IL15: variants seen among roughly 807,000 people sequenced by gnomAD.
IL15 encodes interleukin-15.
A neutral mutation model predicts 19.6 loss-of-function variants in IL15; 11 were observed. The observed-to-expected ratio is 0.56, with a 90% confidence interval of 0.35 to 0.93. The LOEUF (loss-of-function observed/expected upper bound fraction) is 0.93, where lower values mean the gene tolerates loss of function less well. IL15 is among the 40% of genes least tolerant of loss of function. The pLI, the probability that IL15 is intolerant of heterozygous loss-of-function variation, is 0.01. For synonymous variants in IL15, 58 were observed against 59.6 expected, an observed-to-expected ratio of 0.97 and a Z score of 0.12; for missense variants, 197 against 186.5, an observed-to-expected ratio of 1.06 and a Z score of -0.33.
chr4:141,678,202 C>T (rs1217345660), intron 2 of IL15, among the ~76,000 whole-genome samples: 1 of 152,046 alleles, frequency 6.6e-6, no homozygotes, highest in African/African-American at 2.4e-5. Context: ...TTTTGTTATG[C>T]CCCATATATT....
At chr4:141,726,895 C>G (rs1730285274) in intron 5 of IL15, among the ~76,000 whole-genome samples, 1 of 151,972 alleles carries the variant, frequency 6.6e-6, no homozygotes, top group Non-Finnish European at 1.5e-5. Context: ...AGCTATCAAG[C>G]CATGAAAAGA....
chr4:141,727,290 G>A lies in IL15; in HGVS notation c.196-650G>A, dbSNP rs142528932. 3.8e-3 allele frequency among the ~76,000 whole-genome samples: 576 copies of A among 152,064 alleles called. 4 individuals are homozygous for A. The highest frequency in any genetic ancestry group is 6.0e-3 in the Non-Finnish European group (407 of 67,994). The stretch of plus-strand genomic sequence containing the variant: ...GGAAACTGGGGTGGAGAACAAAGGG[G>A]TGTATAAGTCTCTGTACTTTCTGCT... On this transcript the variant is annotated intron_variant, in intron 5 of 7. Transcript: ENST00000320650.
At chr4:141,675,832 A>G (rs1415142913) in intron 2 of IL15, among the ~76,000 whole-genome samples, 1 of 152,202 alleles carries the variant, frequency 6.6e-6, no homozygotes, top group Non-Finnish European at 1.5e-5. Flanking sequence ...TGTGAAATAC[A>G]TTTGTATCTC....
intron 2 of IL15, among the ~76,000 whole-genome samples, chr4:141,709,253 G>GAACA (rs1729633841): frequency 6.6e-6 from 1 of 151,816 alleles, no homozygotes; most frequent in South Asian, 2.1e-4. Context: ...AACACTTTAG[G>GAACA]TCTAGGTCAT....
intron 2 of IL15, among the ~76,000 whole-genome samples, chr4:141,703,496 A>G (rs1729399013): frequency 6.6e-6 from 1 of 152,294 alleles, no homozygotes; most frequent in South Asian, 2.1e-4. Context: ...GAGGCTCCCT[A>G]AATTTGTTCC....
chr4:141,698,220 G>A (rs569416800), intron 2 of IL15, among the ~76,000 whole-genome samples: 12 of 152,070 alleles, frequency 7.9e-5, no homozygotes, highest in Non-Finnish European at 1.3e-4. Context: ...TTTTTGATAT[G>A]CTGTTCAATT....
chr4:141,731,141 CT>C (rs1391225516), intron 7 of IL15, among the ~76,000 whole-genome samples: 1 of 152,130 alleles, frequency 6.6e-6, no homozygotes, highest in East Asian at 1.9e-4. Context: ...GACACCTTGA[CT>C]TTTCTCTAAA....
intron 2 of IL15, among the ~76,000 whole-genome samples, chr4:141,667,039 T>C (rs1728011103): frequency 6.6e-6 from 1 of 152,200 alleles, no homozygotes; most frequent in Non-Finnish European, 1.5e-5. Context: ...TGTGGAAGCT[T>C]GCAGAAAGGT....
intron 2 of IL15, among the ~76,000 whole-genome samples, chr4:141,667,784 T>A (rs1414452545): frequency 6.6e-6 from 1 of 152,228 alleles, no homozygotes; most frequent in Non-Finnish European, 1.5e-5. Flanking sequence ...TATTTTTTTC[T>A]TGGTATCCTA....
At chr4:141,653,869 T>G (rs1490284166) in intron 1 of IL15, among the ~76,000 whole-genome samples, 1 of 152,326 alleles carries the variant, frequency 6.6e-6, no homozygotes, top group African/African-American at 2.4e-5. Context: ...TCATGAGATG[T>G]TCAATATCCA....
chr4:141,661,867 C>T (rs2152162309), intron 2 of IL15, among the ~76,000 whole-genome samples: 1 of 152,150 alleles, frequency 6.6e-6, no homozygotes, highest in South Asian at 2.1e-4. Flanking sequence ...GAATCATACC[C>T]CTCAATAAAA....
intron 2 of IL15, among the ~76,000 whole-genome samples, chr4:141,658,195 T>A (rs548194932): frequency 7.9e-5 from 12 of 152,306 alleles, no homozygotes; most frequent in Non-Finnish European, 1.0e-4. Context: ...TGCTCTCTTT[T>A]CCTCCTGCTC....
intron 2 of IL15, chr4:141,714,515 A>G (rs1028764272): frequency 6.6e-6 from 1 of 152,192 alleles, no homozygotes; most frequent in African/African-American, 2.4e-5. Context: ...TTTTCTTGCT[A>G]CTTTCTTGTC....
At chr4:141,713,328 G>A (rs1034623822) in intron 2 of IL15, among the ~76,000 whole-genome samples, 123 of 152,220 alleles carry the variant, frequency 8.1e-4, no homozygotes, top group African/African-American at 2.8e-3. Context: ...TATCAAAACC[G>A]ACTAGTTATT....
chr4:141,710,341 T>G (rs1729674882), intron 2 of IL15, among the ~76,000 whole-genome samples: 1 of 152,222 alleles, frequency 6.6e-6, no homozygotes, highest in Non-Finnish European at 1.5e-5. Context: ...TTTATCCATG[T>G]GCATTATCCA....
chr4:141,681,616 A>G (rs1455974479), intron 2 of IL15, among the ~76,000 whole-genome samples: 2 of 152,160 alleles, frequency 1.3e-5, no homozygotes, highest in East Asian at 3.9e-4. Context: ...ACCTGAGGGA[A>G]TTTAAAGTGA....
At chr4:141,660,952 TG>T (rs962044807) in intron 2 of IL15, among the ~76,000 whole-genome samples, 5 of 152,214 alleles carry the variant, frequency 3.3e-5, no homozygotes, top group Non-Finnish European at 7.3e-5. Flanking sequence ...ATGTGAGTCT[TG>T]GTGATACTGC....
intron 1 of IL15, among the ~76,000 whole-genome samples, chr4:141,642,870 T>C (rs2152150520): frequency 6.6e-6 from 1 of 152,318 alleles, no homozygotes; most frequent in South Asian, 2.1e-4. Flanking sequence ...ACTTACATTT[T>C]GAGTAAGGGC....
chr4:141,675,684 G>T (rs1026209428), intron 2 of IL15, among the ~76,000 whole-genome samples: 3 of 152,106 alleles, frequency 2.0e-5, no homozygotes, highest in African/African-American at 7.2e-5. Context: ...AAGTTGGATT[G>T]CTTGATATGT....
Sources: allele counts gnomAD v4.1 joint callset (sites outside exome capture counted in the v4.1 genomes callset), GRCh38; gene constraint gnomAD v4.1.1; transcripts MANE v1.5; gene names NCBI Gene and HGNC (gene_info 2026-07-23, HGNC 2026-07-21).